The following ABAT variants were observed in gnomAD, a reference collection of about 807,000 sequenced individuals.
ABAT encodes 4-aminobutyrate aminotransferase.
In ABAT, 45 loss-of-function variants were observed where a neutral mutation model predicts 64.6. That is an observed-to-expected ratio of 0.70 (90% CI 0.55 to 0.89). The LOEUF is 0.89. Ranked by LOEUF, ABAT falls within the 40% of genes least tolerant of loss-of-function variation. The pLI is 0.00. For synonymous variants in ABAT, 297 were observed against 250.5 expected, an observed-to-expected ratio of 1.19 and a Z score of -1.75; for missense variants, 633 against 658.4, an observed-to-expected ratio of 0.96 and a Z score of 0.42.
chr16:8,764,954 A>C lies in ABAT; in HGVS notation c.540+124A>C. On this transcript the variant is annotated intron_variant, in intron 8 of 15. Transcript: ENST00000268251. The surrounding 1 kb of genome is among the most constrained non-coding windows in gnomAD (Gnocchi z 4.2). Reference sequence around the variant, plus strand: ...TATTAGACATCAGTACCAGGGTTAAAATACAGGGAGGGCCACTGCTGGATG... The same window carrying C: ...TATTAGACATCAGTACCAGGGTTAACATACAGGGAGGGCCACTGCTGGATG... The C allele has an allele frequency of 1.1e-6, 1 of 917,466 alleles. No homozygotes were observed. 56.8% of individuals were successfully genotyped at this position (917,466 alleles called of 1,614,324 possible).
At chr16:8,733,840 A>T (rs997620966) in intron 1 of ABAT, among the ~76,000 whole-genome samples, 2 of 147,876 alleles carry the variant, frequency 1.4e-5, no homozygotes, top group Non-Finnish European at 2.9e-5. Flanking sequence ...AGGGAGAGGG[A>T]ACTGAATCTT....
rs865843035 is a variant in ABAT, at chr16:8,695,467, C to T, written c.-42+20756C>T. Among the ~76,000 whole-genome samples the T allele has an allele frequency of 1.6e-4, 24 of 152,324 alleles. No homozygotes were observed. In the Middle Eastern group the frequency reaches 0.014, roughly 86 times the overall value. On this transcript the variant is annotated intron_variant, in intron 1 of 15. Coordinates refer to ENST00000268251, the MANE Select transcript of ABAT (RefSeq NM_020686.6). ...TCTGCAGAAAAACTAGGCAGCCAGA[C>T]AGACCTGGTTCAAATCCCAACTGCC...
intron 1 of ABAT, among the ~76,000 whole-genome samples, chr16:8,697,426 G>A (rs2057727576): frequency 6.6e-6 from 1 of 152,228 alleles, no homozygotes; most frequent in African/African-American, 2.4e-5. Flanking sequence ...AGACCATTTA[G>A]GTGGCTGCCA....
chr16:8,679,057 G>A (rs543458689), intron 1 of ABAT, among the ~76,000 whole-genome samples: 32 of 152,096 alleles, frequency 2.1e-4, no homozygotes, highest in Admixed American at 6.6e-4. Context: ...CTTGTCTCAC[G>A]TCTGCGATCC....
chr16:8,703,312 C>T (rs368884899), intron 1 of ABAT, among the ~76,000 whole-genome samples: 1 of 151,850 alleles, frequency 6.6e-6, no homozygotes, highest in Admixed American at 6.6e-5. Context: ...AAAAATTAGC[C>T]GGGCGTGGTG....
chr16:8,755,439 G>A (rs1452306962), intron 5 of ABAT, among the ~76,000 whole-genome samples: 1 of 152,204 alleles, frequency 6.6e-6, no homozygotes, highest in Non-Finnish European at 1.5e-5. Context: ...ATTCATCAGG[G>A]TGAGAGCTGT....
At chr16:8,684,894 T>G (rs78907828) in intron 1 of ABAT, among the ~76,000 whole-genome samples, 187 of 152,230 alleles carry the variant, frequency 1.2e-3, no homozygotes, top group African/African-American at 4.1e-3. Context: ...GAGGTCTAAA[T>G]AGATTCAAAA....
chr16:8,679,583 C>T (rs565918522), intron 1 of ABAT, among the ~76,000 whole-genome samples: 11 of 151,828 alleles, frequency 7.2e-5, no homozygotes, highest in Admixed American at 2.6e-4. Flanking sequence ...CTCATTGGGC[C>T]GCTGTGAGGA....
At chr16:8,754,487 T>C (rs1273403565) in intron 5 of ABAT, among the ~76,000 whole-genome samples, 1 of 152,146 alleles carries the variant, frequency 6.6e-6, no homozygotes, top group Non-Finnish European at 1.5e-5. Context: ...ACTGCAGCGA[T>C]TGCATGTTCA....
At chr16:8,738,639 G>GTTTTTTTTTTTTTTTTTTTT (rs2059064106) in intron 2 of ABAT, among the ~76,000 whole-genome samples, 1 of 99,258 alleles carries the variant, frequency 1.0e-5, no homozygotes, top group African/African-American at 4.6e-5. Context: ...TTTTTTTTTT[G>GTTTTTTTTTTTTTTTTTTTT]GTGTGTGTGT....
intron 8 of ABAT, among the ~76,000 whole-genome samples, chr16:8,765,195 G>T (rs2059909779): frequency 6.6e-6 from 1 of 151,184 alleles, no homozygotes; most frequent in Non-Finnish European, 1.5e-5. Context: ...AATTGGCCAG[G>T]CATGGTGACG....
chr16:8,678,739 A>T (rs762602788), intron 1 of ABAT, among the ~76,000 whole-genome samples: 1 of 152,248 alleles, frequency 6.6e-6, no homozygotes, highest in Admixed American at 6.5e-5. Context: ...AAGGGATTAC[A>T]GTATATGCAT....
chr16:8,713,509 T>C (rs540854347), intron 1 of ABAT: 156 of 201,150 alleles, frequency 7.8e-4, no homozygotes, highest in South Asian at 6.6e-3. Flanking sequence ...TGTTTCTGTC[T>C]GAAAACCCTT....
rs777951918 is a variant in ABAT at position 8,768,940 on chromosome 16, G to A, written c.783G>A (p.Glu261=). 1.9e-6 allele frequency: 3 copies of A among 1,614,182 alleles called. No homozygotes were observed. The highest frequency in any genetic ancestry group is 1.7e-6 in the Non-Finnish European group (2 of 1,180,030). Residue 261 remains glutamate (E), a synonymous_variant, in exon 11 of 16, where the codon GAG becomes GAA. Transcript: ENST00000268251. ...ACCCTCTGGAAGAGTTTGTGAAAGA[G>A]AACCAACAGGAGGAGGCCCGCTGTC... is the stretch of plus-strand genomic sequence containing the variant. ...LKYPLEEFVK[E]NQQEEARCLE...
intron 4 of ABAT, among the ~76,000 whole-genome samples, chr16:8,749,307 C>T (rs899780953): frequency 1.4e-5 from 2 of 147,368 alleles, no homozygotes; most frequent in Non-Finnish European, 3.0e-5. Context: ...TCAGGCTGGT[C>T]TCGAACTGCT....
chr16:8,755,134 G>A (rs887310505), intron 5 of ABAT, among the ~76,000 whole-genome samples: 1 of 149,962 alleles, frequency 6.7e-6, no homozygotes, highest in African/African-American at 2.5e-5. Flanking sequence ...TCGTTGATTC[G>A]TTTTTGTTTT....
intron 4 of ABAT, among the ~76,000 whole-genome samples, chr16:8,749,678 G>A (rs1283298605): frequency 6.6e-6 from 1 of 151,930 alleles, no homozygotes; most frequent in Non-Finnish European, 1.5e-5. Flanking sequence ...TTACAGGCGT[G>A]AGCCACTGCA....
At chr16:8,769,305 G>A (rs1468148738) in intron 11 of ABAT, among the ~76,000 whole-genome samples, 11 of 152,052 alleles carry the variant, frequency 7.2e-5, no homozygotes, top group Non-Finnish European at 1.3e-4. Flanking sequence ...CGGTGGCTCC[G>A]CCTGTAATCC....
At chr16:8,693,371 A>T (rs376359853) in intron 1 of ABAT, among the ~76,000 whole-genome samples, 7 of 151,850 alleles carry the variant, frequency 4.6e-5, no homozygotes, top group African/African-American at 1.4e-4. Flanking sequence ...CTCCAAAAAA[A>T]ATTCCAGTAT....
Sources: allele counts gnomAD v4.1 joint callset (sites outside exome capture counted in the v4.1 genomes callset), GRCh38; gene constraint gnomAD v4.1.1; non-coding constraint Gnocchi (gnomAD v3.1); transcripts MANE v1.5; gene names NCBI Gene and HGNC (gene_info 2026-07-23, HGNC 2026-07-21).